Variants in KCNIP1 observed in about 807,000 individuals in gnomAD.
The protein encoded by KCNIP1 is potassium voltage-gated channel interacting protein 1, also known as A-type potassium channel modulatory protein KCNIP1.
A neutral mutation model predicts 33.0 loss-of-function variants in KCNIP1; 18 were observed. That is an observed-to-expected ratio of 0.55 (90% CI 0.38 to 0.81). The LOEUF (loss-of-function observed/expected upper bound fraction) is 0.81. Ranked by LOEUF, KCNIP1 falls within the 30% of genes least tolerant of loss-of-function variation. The probability of loss-of-function intolerance (pLI) is 0.00; values close to 1 mark genes in which losing one functional copy is unlikely to be tolerated. For synonymous variants in KCNIP1, 93 were observed against 98.3 expected (o/e 0.95, Z 0.32); for missense variants, 238 against 271.6 (o/e 0.88, Z 0.87).
intron 1 of KCNIP1, among the ~76,000 whole-genome samples, chr5:170,555,192 C>T (rs753866504): frequency 3.3e-5 from 5 of 152,166 alleles, no homozygotes; most frequent in Non-Finnish European, 7.3e-5. Flanking sequence ...AGCCATTACT[C>T]AGGAGATCGC....
chr5:170,608,772 A>C (rs1222722227), intron 1 of KCNIP1, among the ~76,000 whole-genome samples: 2 of 152,158 alleles, frequency 1.3e-5, no homozygotes, highest in Non-Finnish European at 2.9e-5. Flanking sequence ...AAAAAAAAAA[A>C]AAATTAATGC....
intron 1 of KCNIP1, among the ~76,000 whole-genome samples, chr5:170,399,181 C>T (rs763295592): frequency 7.2e-5 from 11 of 152,134 alleles, no homozygotes; most frequent in Non-Finnish European, 1.3e-4. Flanking sequence ...GCCTGCTAAC[C>T]GATGTTATCT....
chr5:170,664,885 C>T (rs150040021), intron 1 of KCNIP1, among the ~76,000 whole-genome samples: 2 of 152,146 alleles, frequency 1.3e-5, no homozygotes, highest in African/African-American at 4.8e-5. Flanking sequence ...AGCAGCAGCC[C>T]GAGCACTCAG....
At chr5:170,366,079 T>C (rs931739286) in intron 1 of KCNIP1, among the ~76,000 whole-genome samples, 59 of 152,144 alleles carry the variant, frequency 3.9e-4, no homozygotes, top group African/African-American at 1.3e-3. Flanking sequence ...ACTCTTTGCC[T>C]TTCCTTTCCC....
chr5:170,474,823 G>T lies in KCNIP1; in HGVS notation c.88+120859G>T, dbSNP rs894043873. On this transcript the variant is annotated intron_variant, in intron 1 of 7. Coordinates refer to the KCNIP1 transcript ENST00000377360. ...ACGGGGAGTGTGACAGCCCTCAAAGGTGGCAAGGACCCAAAGAGTGAGCAG... is the reference window on the plus strand; with the variant it reads ...ACGGGGAGTGTGACAGCCCTCAAAGTTGGCAAGGACCCAAAGAGTGAGCAG... Among the ~76,000 whole-genome samples, 9 of 152,296 alleles carry T rather than the reference G, an allele frequency of 5.9e-5. No homozygotes were observed. The South Asian group carries it at 8.3e-4, about 14-fold the overall frequency.
intron 1 of KCNIP1, among the ~76,000 whole-genome samples, chr5:170,610,634 C>T (rs1017297040): frequency 4.6e-5 from 7 of 152,184 alleles, no homozygotes; most frequent in African/African-American, 1.7e-4. Flanking sequence ...TAATTCCCTC[C>T]CTCTGCCTCA....
chr5:170,651,283 C>T (rs1212374812), intron 1 of KCNIP1, among the ~76,000 whole-genome samples: 1 of 152,110 alleles, frequency 6.6e-6, no homozygotes, highest in African/African-American at 2.4e-5. Flanking sequence ...TGGAGTGGAC[C>T]ATATTAAATC....
intron 1 of KCNIP1, among the ~76,000 whole-genome samples, chr5:170,583,338 G>A (rs1228095503): frequency 6.6e-6 from 1 of 152,164 alleles, no homozygotes; most frequent in Non-Finnish European, 1.5e-5. Flanking sequence ...TGCCAATGCT[G>A]CAAAGTTTAC....
At chr5:170,525,865 G>T (rs114380989) in intron 1 of KCNIP1, among the ~76,000 whole-genome samples, 1 of 152,148 alleles carries the variant, frequency 6.6e-6, no homozygotes, top group Non-Finnish European at 1.5e-5. Context: ...TGTTAGCTGC[G>T]CCTCCCACCC....
chr5:170,481,987 TC>T (rs1447746755), intron 1 of KCNIP1, among the ~76,000 whole-genome samples: 1 of 152,174 alleles, frequency 6.6e-6, no homozygotes, highest in Non-Finnish European at 1.5e-5. Context: ...ATTCTTTAAA[TC>T]CCTGCCCTCC....
At chr5:170,700,196 A>T (rs899573219) in intron 1 of KCNIP1, among the ~76,000 whole-genome samples, 6 of 151,104 alleles carry the variant, frequency 4.0e-5, no homozygotes, top group Admixed American at 3.9e-4. Context: ...GCTCTCCCTC[A>T]CTCATCACCT....
chr5:170,467,656 G>T (rs1756635463), intron 1 of KCNIP1, among the ~76,000 whole-genome samples: 1 of 152,246 alleles, frequency 6.6e-6, no homozygotes, highest in Middle Eastern at 3.4e-3. Context: ...GGTGGCTCAC[G>T]CCTGTAATCC....
At chr5:170,656,094 G>A (rs532891172) in intron 1 of KCNIP1, among the ~76,000 whole-genome samples, 15 of 152,244 alleles carry the variant, frequency 9.9e-5, no homozygotes, top group East Asian at 9.7e-4. Context: ...AGAGTAGCAC[G>A]GCTCTGAGGG....
chr5:170,713,013 C>A, intron 1 of KCNIP1: 2 of 786,456 alleles, frequency 2.5e-6, no homozygotes, highest in Admixed American at 1.9e-5. Flanking sequence ...TGTTAACAAG[C>A]CCCACATATA....
Position 170,451,062 on chromosome 5 carries a change from G to A in KCNIP1, c.88+97098G>A, listed in dbSNP as rs116448578. On this transcript the variant is annotated intron_variant, in intron 1 of 7. Coordinates refer to the KCNIP1 transcript ENST00000377360. ...AGGCAAGCAGCCCCAACTGACGGGA[G>A]CTGGCCTGGTCCTCACAGTTTGTCT... Among the ~76,000 whole-genome samples the A allele has an allele frequency of 5.5e-3, 838 of 152,308 alleles. 4 individuals are homozygous for A. The highest frequency in any genetic ancestry group is 9.3e-3 in the Non-Finnish European group (632 of 68,032).
intron 1 of KCNIP1, among the ~76,000 whole-genome samples, chr5:170,446,681 A>G (rs142469649): frequency 6.6e-6 from 1 of 152,220 alleles, no homozygotes; most frequent in Non-Finnish European, 1.5e-5. Flanking sequence ...GGCTCAAGCA[A>G]TCCTCCTGCC....
chr5:170,506,285 TC>T lies in KCNIP1; in HGVS notation c.61+1655del, dbSNP rs537611825. 1.7e-3 allele frequency among the ~76,000 whole-genome samples: 262 copies of T among 152,158 alleles called. 3 individuals are homozygous for T. The highest frequency in any genetic ancestry group is 6.2e-3 in the African/African-American group (259 of 41,516). ...GGACCTTAGGAAAGTCCCCCGCACC[TC>T]CCTAAGCCTCAGTTTTTCATCCATG... is the stretch of plus-strand genomic sequence containing the variant. On this transcript the variant is annotated intron_variant, in intron 1 of 7. Coordinates refer to ENST00000328939, the MANE Select transcript of KCNIP1 (RefSeq NM_014592.4).
chr5:170,469,907 A>G (rs563766989), intron 1 of KCNIP1, among the ~76,000 whole-genome samples: 1 of 152,326 alleles, frequency 6.6e-6, no homozygotes, highest in East Asian at 1.9e-4. Flanking sequence ...ATAAATAACA[A>G]TTCTTTCAAT....
At chr5:170,691,349 C>A (rs1377741896) in intron 1 of KCNIP1, among the ~76,000 whole-genome samples, 1 of 152,190 alleles carries the variant, frequency 6.6e-6, no homozygotes, top group East Asian at 1.9e-4. Context: ...AGGTGTATTT[C>A]ACAGAATGTT....
Sources: allele counts gnomAD v4.1 joint callset (sites outside exome capture counted in the v4.1 genomes callset), GRCh38; gene constraint gnomAD v4.1.1; transcripts MANE v1.5; gene names NCBI Gene and HGNC (gene_info 2026-07-23, HGNC 2026-07-21).